Variants in SNTG1 observed in about 807,000 individuals in gnomAD.
SNTG1 encodes the protein gamma-1-syntrophin.
SNTG1 carries 39 observed loss-of-function variants against 74.7 expected under a neutral mutation model. The observed-to-expected ratio is 0.52, with a 90% confidence interval of 0.40 to 0.68. The LOEUF (loss-of-function observed/expected upper bound fraction) is 0.68. Ranked by LOEUF, SNTG1 falls within the 30% of genes least tolerant of loss-of-function variation. SNTG1 has a pLI of 0.00. For synonymous variants in SNTG1, 254 were observed against 217.1 expected (o/e 1.17, Z -1.49); for missense variants, 685 against 609.5 (o/e 1.12, Z -1.30).
chr8:50,701,705 T>C (rs2095425443), intron 15 of SNTG1, among the ~76,000 whole-genome samples: 1 of 137,294 alleles, frequency 7.3e-6, no homozygotes, highest in Admixed American at 7.7e-5. Flanking sequence ...TTCCTCTTCC[T>C]CTTCATCTTC....
chr8:50,700,692 T>G (rs1219539629), intron 15 of SNTG1, among the ~76,000 whole-genome samples: 1 of 152,144 alleles, frequency 6.6e-6, no homozygotes, highest in Non-Finnish European at 1.5e-5. Flanking sequence ...CCCCTCCTAC[T>G]TTCCCTCAAG....
intron 18 of SNTG1, among the ~76,000 whole-genome samples, chr8:50,755,475 A>G (rs6999424): frequency 0.44 from 66,029 of 151,600 alleles, 16,592 homozygotes; most frequent in African/African-American, 0.7. Context: ...CAATTTTCTG[A>G]ATGTACAACA....
At chr8:50,493,588 T>C (rs949033231) in intron 8 of SNTG1, among the ~76,000 whole-genome samples, 1 of 152,130 alleles carries the variant, frequency 6.6e-6, no homozygotes, top group Non-Finnish European at 1.5e-5. Context: ...GTGGTGTTGA[T>C]TAAACATTTG....
intron 8 of SNTG1, among the ~76,000 whole-genome samples, chr8:50,459,595 T>TGA (rs1563416169): frequency 6.6e-6 from 1 of 152,242 alleles, no homozygotes; most frequent in South Asian, 2.1e-4. Flanking sequence ...TGCATGTTGC[T>TGA]GAGGTTTTGG....
chr8:50,779,556 A>G (rs2095652085), intron 18 of SNTG1, among the ~76,000 whole-genome samples: 2 of 152,238 alleles, frequency 1.3e-5, no homozygotes, highest in South Asian at 4.1e-4. Flanking sequence ...TTGATTTTGT[A>G]TCCTGAGACT....
intron 13 of SNTG1, among the ~76,000 whole-genome samples, chr8:50,637,397 G>A (rs1163173733): frequency 2.6e-5 from 4 of 151,712 alleles, no homozygotes; most frequent in Non-Finnish European, 5.9e-5. Context: ...AACCTTTCTT[G>A]CTATTATTTC....
At chr8:50,433,068 G>A (rs1444405491) in intron 4 of SNTG1, among the ~76,000 whole-genome samples, 1 of 152,166 alleles carries the variant, frequency 6.6e-6, no homozygotes, top group Non-Finnish European at 1.5e-5. Flanking sequence ...GGGATTACAG[G>A]CATGAGCCAC....
At chr8:50,103,897 C>T (rs1254434471) in intron 1 of SNTG1, among the ~76,000 whole-genome samples, 5 of 152,142 alleles carry the variant, frequency 3.3e-5, no homozygotes, top group South Asian at 2.1e-4. Flanking sequence ...AGCCTTGCAT[C>T]CCAGGGATGA....
chr8:50,005,472 C>CA (rs150405044), intron 1 of SNTG1, among the ~76,000 whole-genome samples: 108,406 of 148,780 alleles, frequency 0.73, 39,929 homozygotes, highest in East Asian at 0.79. Context: ...GGTATTACTG[C>CA]AAAAAAAAAA....
chr8:50,512,136 G>T (rs1382099595), intron 9 of SNTG1, among the ~76,000 whole-genome samples: 45 of 151,958 alleles, frequency 3.0e-4, no homozygotes, highest in Admixed American at 3.0e-3. Context: ...CTCAGCATTT[G>T]CTTGTCTGTA....
rs769919437 is a variant in SNTG1, at chr8:50,430,633, T to C, written c.163-7910T>C. ...CGACTTTGTTCTAAGGGGTGTTTTA[T>C]TGGCAGAACTTGCAGACAGAAATGT... On this transcript the variant is annotated intron_variant, in intron 4 of 18. Transcript: ENST00000642720. 2.3e-4 allele frequency among the ~76,000 whole-genome samples: 35 copies of C among 152,326 alleles called. 1 individual carries two copies. The highest frequency in any genetic ancestry group is 6.8e-3 in the Middle Eastern group (2 of 294).
At chr8:50,544,162 A>T (rs2623215) in intron 11 of SNTG1, among the ~76,000 whole-genome samples, 21,203 of 151,948 alleles carry the variant, frequency 0.14, 1,612 homozygotes, top group African/African-American at 0.19. Flanking sequence ...TTCAATTTTC[A>T]TATATTCGTG....
intron 8 of SNTG1, among the ~76,000 whole-genome samples, chr8:50,488,410 A>G (rs1419861864): frequency 1.3e-5 from 2 of 152,146 alleles, no homozygotes; most frequent in Non-Finnish European, 2.9e-5. Flanking sequence ...TTACCTAAGT[A>G]TCTGTATGGC....
chr8:50,642,778 C>T (rs1184029073), intron 13 of SNTG1, among the ~76,000 whole-genome samples: 4 of 152,000 alleles, frequency 2.6e-5, no homozygotes, highest in Admixed American at 2.6e-4. Flanking sequence ...TTATGGTTCC[C>T]CCTTAGGATT....
intron 1 of SNTG1, among the ~76,000 whole-genome samples, chr8:50,067,990 C>T (rs1404767718): frequency 6.6e-6 from 1 of 152,130 alleles, no homozygotes; most frequent in African/African-American, 2.4e-5. Context: ...CACGTCCAGG[C>T]ACACCCAAAC....
At chr8:49,920,631 C>T (rs749889695) in intron 1 of SNTG1, among the ~76,000 whole-genome samples, 12 of 151,998 alleles carry the variant, frequency 7.9e-5, no homozygotes, top group African/African-American at 7.2e-5. Context: ...TAACTGGAGG[C>T]GTTTAGATTC....
Position 49,938,480 on chromosome 8 carries a change from A to G in SNTG1, c.-103+26249A>G, listed in dbSNP as rs192623768. 3.1e-3 allele frequency among the ~76,000 whole-genome samples: 477 copies of G among 152,138 alleles called. 1 individual carries two copies. The highest frequency in any genetic ancestry group is 4.8e-3 in the Non-Finnish European group (325 of 67,980). On this transcript the variant is annotated intron_variant, in intron 1 of 18. Coordinates refer to ENST00000642720, the MANE Select transcript of SNTG1 (RefSeq NM_018967.5). ...TTCAAATTAATTGCAGGGCTATACT[A>G]TTCTTCCAGTGCCAAAAGGTGCATT...
intron 13 of SNTG1, among the ~76,000 whole-genome samples, chr8:50,616,950 T>C (rs1052662733): frequency 6.6e-6 from 1 of 152,218 alleles, no homozygotes; most frequent in Non-Finnish European, 1.5e-5. Context: ...AACTCAGGGA[T>C]GTGGCATTTG....
chr8:50,557,034 C>T (rs945866514), intron 12 of SNTG1, among the ~76,000 whole-genome samples: 1 of 152,140 alleles, frequency 6.6e-6, no homozygotes, highest in Admixed American at 6.5e-5. Flanking sequence ...ACCACTCAGA[C>T]AGGCACAGGC....
Sources: gnomAD v4.1 joint callset for allele counts (sites outside exome capture counted in the v4.1 genomes callset) on GRCh38, gnomAD v4.1.1 for gene constraint, MANE v1.5 for transcripts, NCBI Gene and HGNC (gene_info 2026-07-23, HGNC 2026-07-21) for gene names.